The following SOX6 variants were observed in gnomAD, a reference collection of about 807,000 sequenced individuals.
SOX6 encodes transcription factor SOX-6.
SOX6 carries 11 observed loss-of-function variants against 97.8 expected under a neutral mutation model. The observed-to-expected ratio is 0.11, with a 90% CI of 0.07 to 0.19. The LOEUF (loss-of-function observed/expected upper bound fraction) is 0.19, where lower values mean the gene tolerates loss of function less well. Ranked by LOEUF, SOX6 falls within the 10% of genes least tolerant of loss-of-function variation. The pLI is 1.00. For missense variants in SOX6, 810 were observed against 1,039.5 expected (o/e 0.78, Z 3.04); for synonymous variants, 360 against 371.4 (o/e 0.97, Z 0.35).
chr11:16,416,216 T>C (rs1858924027), intron 1 of SOX6, among the ~76,000 whole-genome samples: 1 of 152,220 alleles, frequency 6.6e-6, no homozygotes, highest in Non-Finnish European at 1.5e-5. Flanking sequence ...AAGAAAAGCA[T>C]GTTCAGAAAA....
At chr11:16,615,740 T>C (rs1848464160) in intron 3 of SOX6, among the ~76,000 whole-genome samples, 3 of 152,206 alleles carry the variant, frequency 2.0e-5, no homozygotes, top group Non-Finnish European at 2.9e-5. Flanking sequence ...AAAATATATC[T>C]ATTTATTAAG....
chr11:16,580,156 C>T (rs1848019180), intron 4 of SOX6, among the ~76,000 whole-genome samples: 1 of 152,098 alleles, frequency 6.6e-6, no homozygotes, highest in Non-Finnish European at 1.5e-5. Flanking sequence ...CTACCACAAA[C>T]CTATGGAATC....
upstream of SOX6, among the ~76,000 whole-genome samples, chr11:16,479,090 A>G (rs1000750217): frequency 6.6e-6 from 1 of 152,196 alleles, no homozygotes; most frequent in African/African-American, 2.4e-5. Context: ...CAAGGATTTC[A>G]AACAATCAAT....
At chr11:16,171,777 T>C (rs1294209944) in intron 6 of SOX6, among the ~76,000 whole-genome samples, 2 of 151,876 alleles carry the variant, frequency 1.3e-5, no homozygotes, top group East Asian at 3.9e-4. Context: ...TATTAGAATT[T>C]TAGTGAGTAA....
intron 4 of SOX6, among the ~76,000 whole-genome samples, chr11:16,505,626 A>G (rs1167068955): frequency 6.6e-6 from 1 of 152,218 alleles, no homozygotes; most frequent in Non-Finnish European, 1.5e-5. Flanking sequence ...AGACAATGGG[A>G]AAAATGTCTC....
chr11:16,599,679 C>A (rs751844385), intron 4 of SOX6, among the ~76,000 whole-genome samples: 4 of 151,964 alleles, frequency 2.6e-5, no homozygotes, highest in Admixed American at 6.6e-5. Context: ...ATGTATTGTG[C>A]AAGTTTGTGA....
At chr11:16,736,324 T>C (rs1391899089) in intron 2 of SOX6, 1 of 152,222 alleles carries the variant, frequency 6.6e-6, no homozygotes, top group Non-Finnish European at 1.5e-5. Context: ...TTACACTGTA[T>C]AATTTCATCC....
At chr11:16,221,053 G>T (rs973974622) in intron 4 of SOX6, among the ~76,000 whole-genome samples, 18 of 151,942 alleles carry the variant, frequency 1.2e-4, no homozygotes, top group Non-Finnish European at 2.5e-4. Context: ...CTAATCTAAG[G>T]TTCTAGTCCA....
chr11:16,325,321 T>C lies in SOX6; in HGVS notation c.238-6668A>G, dbSNP rs542525344. Among the ~76,000 whole-genome samples, 3 of 152,174 alleles carry C rather than the reference T, an allele frequency of 2.0e-5. No individual in the cohort carries two copies. In the East Asian group the frequency reaches 5.8e-4, roughly 29 times the overall value. The stretch of plus-strand genomic sequence containing the variant: ...TATGTGTGCATAAGTGTAAATGTGC[T>C]CCCCCACACACAAACATACACAAAC... On this transcript the variant is annotated intron_variant, in intron 2 of 15. Transcript: ENST00000683767.
At chr11:16,451,447 C>G (rs72871402) in intron 1 of SOX6, among the ~76,000 whole-genome samples, 11,503 of 152,074 alleles carry the variant, frequency 0.076, 553 homozygotes, top group Non-Finnish European at 0.11. Context: ...CTTCCAAAAG[C>G]CTTCCCCCAG....
At position 15,986,404 on chromosome 11, in the gene SOX6, T is replaced by C. The variant is rs1165192421; in HGVS notation, c.1983A>G (p.Ser661=). ...AAGGTTGCTTCTCCTGGTTGGACAT[T>C]GATTTCCAGCGAGATCCTAGAAATA... ...ISKILGSRWK[S]MSNQEKQPYY... The change falls in exon 15 of 16, where the codon TCA becomes TCG. Residue 661 remains serine, a synonymous_variant. Transcript: ENST00000683767. 6.2e-7 allele frequency: 1 copy of C among 1,614,084 alleles called. No individual in the cohort carries two copies. The highest frequency in any genetic ancestry group is 8.5e-7 in the Non-Finnish European group (1 of 1,179,988).
At chr11:16,250,434 A>G (rs1417352231) in intron 3 of SOX6, among the ~76,000 whole-genome samples, 1 of 152,164 alleles carries the variant, frequency 6.6e-6, no homozygotes, top group Admixed American at 6.5e-5. Flanking sequence ...GAAAGATAGT[A>G]AAAAGCGAAT....
chr11:16,157,668 G>T (rs536621857), intron 6 of SOX6, among the ~76,000 whole-genome samples: 2 of 152,018 alleles, frequency 1.3e-5, no homozygotes, highest in African/African-American at 4.8e-5. Flanking sequence ...GGTCATAAAA[G>T]GTCCTTCAAT....
At chr11:16,565,378 C>G (rs1001313178) in intron 4 of SOX6, among the ~76,000 whole-genome samples, 1 of 152,036 alleles carries the variant, frequency 6.6e-6, no homozygotes, top group Non-Finnish European at 1.5e-5. Flanking sequence ...AAGATTAACA[C>G]CAATTCTACG....
At chr11:16,115,351 T>C (rs1849321371) in intron 6 of SOX6, among the ~76,000 whole-genome samples, 1 of 152,194 alleles carries the variant, frequency 6.6e-6, no homozygotes, top group Admixed American at 6.5e-5. Context: ...GTCCAACTAA[T>C]TAAATTTTAG....
intron 4 of SOX6, among the ~76,000 whole-genome samples, chr11:16,188,036 C>T (rs1201115268): frequency 6.6e-6 from 1 of 152,012 alleles, no homozygotes; most frequent in African/African-American, 2.4e-5. Context: ...ACTAAGAAAG[C>T]ACCATTACAA....
rs138326973 is a variant in SOX6 at position 16,323,758 on chromosome 11, A to G, written c.238-5105T>C. On this transcript the variant is annotated intron_variant, in intron 2 of 15. Coordinates refer to ENST00000683767, the MANE Select transcript of SOX6 (RefSeq NM_001367873.1). ...CATTACTATTTTGCATGTAATTGTC[A>G]TATCTGTAACTAAATTTTAACTCTT... 3.1e-3 allele frequency among the ~76,000 whole-genome samples: 466 copies of G among 152,258 alleles called. 1 individual carries two copies. Among genetic ancestry groups the G allele is most frequent in the Non-Finnish European group, 5.0e-3 (341 of 68,014 alleles).
intron 12 of SOX6, among the ~76,000 whole-genome samples, chr11:16,030,738 G>C (rs1855349724): frequency 6.6e-6 from 1 of 152,062 alleles, no homozygotes; most frequent in Non-Finnish European, 1.5e-5. Context: ...CAACCGACCT[G>C]ATTTGCTTGA....
chr11:16,633,874 C>A (rs1848746688), intron 3 of SOX6, among the ~76,000 whole-genome samples: 1 of 152,172 alleles, frequency 6.6e-6, no homozygotes, highest in African/African-American at 2.4e-5. Context: ...TCTAACCAAG[C>A]TAATTGCCTT....
Sources: allele counts gnomAD v4.1 joint callset (sites outside exome capture counted in the v4.1 genomes callset), GRCh38; gene constraint gnomAD v4.1.1; transcripts MANE v1.5; gene names NCBI Gene and HGNC (gene_info 2026-07-23, HGNC 2026-07-21).